Variants in SPMIP2 observed in about 807,000 individuals in gnomAD.
SPMIP2 encodes the protein sperm microtubule inner protein 2.
the SPMIP2 span, among the ~76,000 whole-genome samples, chr4:158,912,683 T>C: frequency 6.6e-6 from 1 of 152,198 alleles, no homozygotes; most frequent in Admixed American, 6.6e-5. Flanking sequence ...AGAGGATTCA[T>C]GTAAAAGAGA....
chr4:159,043,283 CCTT>C, the SPMIP2 span, among the ~76,000 whole-genome samples: 4 of 152,152 alleles, frequency 2.6e-5, no homozygotes, highest in African/African-American at 7.2e-5. Flanking sequence ...AGAAACCAAC[CCTT>C]CTTATCTTCC....
At chr4:158,966,799 T>TC in the SPMIP2 span, among the ~76,000 whole-genome samples, 1 of 152,238 alleles carries the variant, frequency 6.6e-6, no homozygotes, top group Non-Finnish European at 1.5e-5. Flanking sequence ...TCCTTTTTTT[T>TC]CTTTCCTTTT....
the SPMIP2 span, among the ~76,000 whole-genome samples, chr4:158,898,738 A>C: frequency 6.6e-6 from 1 of 152,170 alleles, no homozygotes; most frequent in Admixed American, 6.5e-5. Context: ...TTTTGGGCTG[A>C]AATGTTGGGG....
chr4:159,004,890 C>T, the SPMIP2 span, among the ~76,000 whole-genome samples: 1 of 151,934 alleles, frequency 6.6e-6, no homozygotes, highest in Non-Finnish European at 1.5e-5. Context: ...GAGTTTTGCT[C>T]TTGTTGCCCA....
the SPMIP2 span, among the ~76,000 whole-genome samples, chr4:159,043,370 G>A: frequency 2.6e-5 from 4 of 151,678 alleles, no homozygotes; most frequent in East Asian, 1.9e-4. Context: ...TTTTTGAGAC[G>A]GAGTCTCACT....
At chr4:158,985,647 G>T in the SPMIP2 span, among the ~76,000 whole-genome samples, 15 of 149,620 alleles carry the variant, frequency 1.0e-4, no homozygotes, top group South Asian at 2.1e-4. Context: ...AATAATAAGA[G>T]CTATCTATGA....
the SPMIP2 span, among the ~76,000 whole-genome samples, chr4:159,074,041 C>T: frequency 5.9e-4 from 90 of 152,110 alleles, 1 homozygote; most frequent in African/African-American, 1.9e-3. Flanking sequence ...CCAGTGGAGG[C>T]TTTCTGAAGA....
At chr4:159,047,082 C>T in the SPMIP2 span, among the ~76,000 whole-genome samples, 1 of 152,308 alleles carries the variant, frequency 6.6e-6, no homozygotes, top group East Asian at 1.9e-4. Context: ...CACTCCACTT[C>T]AGTGACCATG....
the SPMIP2 span, chr4:158,909,280 T>G: frequency 2.0e-5 from 3 of 151,942 alleles, no homozygotes; most frequent in African/African-American, 7.3e-5. Context: ...TCTTAAAGAC[T>G]GGGGGGAAAG....
the SPMIP2 span, among the ~76,000 whole-genome samples, chr4:159,076,423 T>C: frequency 0.01 from 1,599 of 152,346 alleles, 35 homozygotes; most frequent in African/African-American, 0.037. Flanking sequence ...TATCTATCTA[T>C]GTAATGTCTT....
the SPMIP2 span, among the ~76,000 whole-genome samples, chr4:159,070,527 G>C: frequency 6.6e-6 from 1 of 152,148 alleles, no homozygotes; most frequent in Admixed American, 6.5e-5. Context: ...AATGCCAGAT[G>C]ATGCCTAGAC....
the SPMIP2 span, among the ~76,000 whole-genome samples, chr4:158,969,672 A>G: frequency 0.011 from 1,605 of 152,306 alleles, 17 homozygotes; most frequent in Middle Eastern, 0.048. Context: ...CCCAAATAGG[A>G]GAAACCATTC....
chr4:158,914,362 T>C, the SPMIP2 span, among the ~76,000 whole-genome samples: 1 of 152,238 alleles, frequency 6.6e-6, no homozygotes, highest in African/African-American at 2.4e-5. Flanking sequence ...ATAGACATAA[T>C]GGCTTGCTGA....
At chr4:158,965,482 T>G in the SPMIP2 span, among the ~76,000 whole-genome samples, 1 of 152,148 alleles carries the variant, frequency 6.6e-6, no homozygotes, top group Non-Finnish European at 1.5e-5. Context: ...GGGCCTATTT[T>G]GCAACTGTAC....
the SPMIP2 span, chr4:159,026,358 C>CA: frequency 2.9e-3 from 2,049 of 708,554 alleles, 32 homozygotes; most frequent in African/African-American, 0.032. Flanking sequence ...CAGCTCATAG[C>CA]AAAAAAACTC....
At chr4:158,963,208 T>C in the SPMIP2 span, among the ~76,000 whole-genome samples, 1 of 152,174 alleles carries the variant, frequency 6.6e-6, no homozygotes, top group African/African-American at 2.4e-5. Context: ...TTGTTGAGCA[T>C]GCTAAGTGCT....
chr4:159,000,481 G>GCTT, the SPMIP2 span, among the ~76,000 whole-genome samples: 11 of 148,458 alleles, frequency 7.4e-5, no homozygotes, highest in African/African-American at 1.7e-4. Context: ...CTTTTGTCTG[G>GCTT]CTTCTTCTTC....
At chr4:158,953,322 G>C in the SPMIP2 span, among the ~76,000 whole-genome samples, 2 of 152,194 alleles carry the variant, frequency 1.3e-5, no homozygotes, top group Non-Finnish European at 1.5e-5. Context: ...ATAGAGCTTG[G>C]GCCATGGCTT....
the SPMIP2 span, among the ~76,000 whole-genome samples, chr4:159,061,814 T>TTA: frequency 7.2e-6 from 1 of 138,992 alleles, no homozygotes; most frequent in Non-Finnish European, 1.5e-5. Context: ...CAGTCTCAAT[T>TTA]AAAAAAAAAA....
Sources: allele counts gnomAD v4.1 joint callset (sites outside exome capture counted in the v4.1 genomes callset), GRCh38; gene constraint gnomAD v4.1.1; transcripts MANE v1.5; gene names NCBI Gene and HGNC (gene_info 2026-07-23, HGNC 2026-07-21).